Variants in TNRC6A observed in about 807,000 individuals in gnomAD.
TNRC6A encodes trinucleotide repeat containing adaptor 6A.
Under a neutral mutation model 221.2 loss-of-function variants are expected in TNRC6A, and 44 were observed. That is an observed-to-expected ratio of 0.20 (90% CI 0.16 to 0.26). TNRC6A has a LOEUF of 0.26. Ranked by LOEUF, TNRC6A falls within the 10% of genes least tolerant of loss-of-function variation. The pLI, the probability that TNRC6A is intolerant of heterozygous loss-of-function variation, is 1.00. For missense variants in TNRC6A, 2,199 were observed against 2,404.4 expected (o/e 0.91, Z 1.79); for synonymous variants, 847 against 838.5 (o/e 1.01, Z -0.18).
chr16:24,701,421 A>G (rs1567369202), intron 2 of TNRC6A, among the ~76,000 whole-genome samples: 3 of 150,054 alleles, frequency 2.0e-5, no homozygotes, highest in Non-Finnish European at 4.4e-5. Flanking sequence ...GCTGGAGTGC[A>G]ATGGCCATGA....
At chr16:24,773,905 T>A (rs1436974299) in intron 4 of TNRC6A, among the ~76,000 whole-genome samples, 1 of 152,144 alleles carries the variant, frequency 6.6e-6, no homozygotes, top group Non-Finnish European at 1.5e-5. Context: ...TTAGGAGTGC[T>A]TTTTGCGAAG....
chr16:24,729,963 G>C, intron 1 of TNRC6A, 117 bp downstream of exon 1: 1 of 984,188 alleles, frequency 1.0e-6, no homozygotes, highest in Non-Finnish European at 1.3e-6. Flanking sequence ...GAGACTTCGG[G>C]CCTCGGCGGG....
chr16:24,645,304 A>G (rs961781020), intron 2 of TNRC6A, among the ~76,000 whole-genome samples: 3 of 151,920 alleles, frequency 2.0e-5, no homozygotes, highest in African/African-American at 7.3e-5. Context: ...TCAGGAGTTC[A>G]AGACCAGCCT....
At chr16:24,635,718 C>T (rs1229342598) in intron 1 of TNRC6A, among the ~76,000 whole-genome samples, 4 of 152,202 alleles carry the variant, frequency 2.6e-5, no homozygotes, top group African/African-American at 9.6e-5. Flanking sequence ...CTTATTATTT[C>T]TGAGAGTTTT....
intron 22 of TNRC6A, among the ~76,000 whole-genome samples, 171 bp downstream of exon 22, chr16:24,820,531 A>C (rs1340407965): frequency 6.6e-6 from 1 of 152,262 alleles, no homozygotes; most frequent in East Asian, 1.9e-4. Context: ...AACAGGCTGC[A>C]ATAACATTAA....
rs1399326939 is a variant in TNRC6A, at chr16:24,815,199, C to A, written c.4725C>A (p.Asp1575Glu). 6.2e-7 allele frequency: 1 copy of A among 1,614,070 alleles called. No homozygotes were observed. Among genetic ancestry groups the A allele is most frequent in the African/African-American group, 1.3e-5 (1 of 74,922 alleles). Residue 1575 changes from aspartate (D) to glutamate (E), a missense_variant, in exon 19 of 25, where the codon GAC (aspartate) becomes GAA (glutamate). Asp to Glu is a conservative substitution (Grantham distance 45). Coordinates refer to ENST00000395799, the MANE Select transcript of TNRC6A (RefSeq NM_014494.4). ...AAGAGTCTCCATTTGTTCCCTATGA[C>A]TTTATGAACAGCAGTACTTCACCAG... is the stretch of plus-strand genomic sequence containing the variant. Reference protein sequence around the residue: ...RLEESPFVPYDFMNSSTSPAS... With the variant: ...RLEESPFVPYEFMNSSTSPAS...
chr16:24,691,231 T>C (rs1341282904), intron 2 of TNRC6A, among the ~76,000 whole-genome samples: 2 of 152,054 alleles, frequency 1.3e-5, no homozygotes, highest in African/African-American at 4.8e-5. Context: ...TCTTTTCCTT[T>C]TTTAGAAACA....
intron 5 of TNRC6A, among the ~76,000 whole-genome samples, chr16:24,781,674 G>A (rs990396904): frequency 7.2e-5 from 11 of 152,012 alleles, no homozygotes; most frequent in Admixed American, 6.6e-4. Flanking sequence ...GTGTTGCCCC[G>A]TACCACTTCC....
intron 2 of TNRC6A, among the ~76,000 whole-genome samples, chr16:24,694,732 A>G (rs1208536182): frequency 6.6e-6 from 1 of 151,132 alleles, no homozygotes; most frequent in African/African-American, 2.4e-5. Flanking sequence ...CCAGGAGCTC[A>G]AGACCAGCCT....
intron 4 of TNRC6A, among the ~76,000 whole-genome samples, chr16:24,759,826 G>A (rs1387881149): frequency 6.6e-6 from 1 of 152,160 alleles, no homozygotes; most frequent in Non-Finnish European, 1.5e-5. Context: ...GATCAGAAGA[G>A]GAGTTGAAGG....
chr16:24,687,935 TTTTCTTTTCTTTTCTTTTC>T (rs1300452330), intron 2 of TNRC6A, among the ~76,000 whole-genome samples: 321 of 125,976 alleles, frequency 2.5e-3, no homozygotes, highest in African/African-American at 8.3e-3. Flanking sequence ...TTTTCTTTTC[TTTTCTTTTCTTTTCTTTTC>T]TTTTTTTTTT....
At chr16:24,666,035 A>G (rs1392977583) in intron 2 of TNRC6A, among the ~76,000 whole-genome samples, 1 of 152,132 alleles carries the variant, frequency 6.6e-6, no homozygotes, top group Non-Finnish European at 1.5e-5. Flanking sequence ...GATGTTCAAG[A>G]GAATAAGTGT....
intron 4 of TNRC6A, among the ~76,000 whole-genome samples, chr16:24,764,021 C>T (rs1205587531): frequency 2.0e-5 from 3 of 152,130 alleles, no homozygotes; most frequent in African/African-American, 4.8e-5. Flanking sequence ...TTCCAGTATA[C>T]AATACAATAT....
chr16:24,805,789 C>G (rs2058419206), intron 15 of TNRC6A, 56 bp downstream of exon 15: 3 of 1,608,026 alleles, frequency 1.9e-6, no homozygotes, highest in Non-Finnish European at 2.6e-6. Context: ...TACTGTATGC[C>G]AAACACTAGA....
intron 2 of TNRC6A, among the ~76,000 whole-genome samples, chr16:24,642,762 G>A (rs1025392386): frequency 2.0e-5 from 3 of 152,092 alleles, no homozygotes; most frequent in Non-Finnish European, 4.4e-5. Context: ...GGAGGTTGCG[G>A]TGAGCTGAGA....
At chr16:24,730,371 G>T in intron 2 of TNRC6A, 71 bp downstream of exon 2, 3 of 1,536,632 alleles carry the variant, frequency 2.0e-6, no homozygotes, top group Non-Finnish European at 1.8e-6. Flanking sequence ...CGCCTTTTCT[G>T]GGTTGAGAAG....
At position 24,611,086 on chromosome 16, in the gene TNRC6A, T is replaced by C. The variant is rs1291739731; in HGVS notation, n.276+602T>C. ...CCTTGGCCTCCGAAAGAGCTGGGAT[T>C]ACAGGCATCAACCCCTGAGTCCAGC... is the stretch of plus-strand genomic sequence containing the variant. On this transcript the variant is annotated intron_variant and non_coding_transcript_variant, in intron 1 of 2. Coordinates refer to the TNRC6A transcript ENST00000566108. Among the ~76,000 whole-genome samples the C allele has an allele frequency of 2.0e-5, 3 of 152,212 alleles. 1 individual carries two copies. The highest frequency in any genetic ancestry group is 4.1e-4 in the South Asian group (2 of 4,830).
intron 18 of TNRC6A, among the ~76,000 whole-genome samples, chr16:24,810,832 A>G (rs748360286): frequency 2.0e-5 from 3 of 152,168 alleles, no homozygotes; most frequent in African/African-American, 2.4e-5. Flanking sequence ...AAGAGAGAGA[A>G]AGGTCAGTGG....
rs575073796 is a variant in TNRC6A at position 24,793,109 on chromosome 16, A to G, written c.3176-364A>G. On this transcript the variant is annotated intron_variant, in intron 6 of 24. Coordinates refer to ENST00000395799, the MANE Select transcript of TNRC6A (RefSeq NM_014494.4). ...CAGCTGGTACAGATGTTATACATAC[A>G]CTGTCACCCAGCTTATCACCTGCTC... Among the ~76,000 whole-genome samples, 4 of 152,260 alleles carry G rather than the reference A, an allele frequency of 2.6e-5. No homozygotes were observed. The South Asian group carries it at 6.2e-4, about 24-fold the overall frequency.
Sources: gnomAD v4.1 joint callset for allele counts (sites outside exome capture counted in the v4.1 genomes callset) on GRCh38, gnomAD v4.1.1 for gene constraint, MANE v1.5 for transcripts, NCBI Gene and HGNC (gene_info 2026-07-23, HGNC 2026-07-21) for gene names.